The following DLEU7 variants were observed in gnomAD, a reference collection of about 807,000 sequenced individuals.
DLEU7 encodes the protein leukemia-associated protein 7.
A neutral mutation model predicts 16.0 loss-of-function variants in DLEU7; 17 were observed. The ratio of observed to expected loss-of-function variants is 1.06; its 90% CI spans 0.73 to 1.59. The LOEUF (loss-of-function observed/expected upper bound fraction) is 1.59, where lower values mean the gene tolerates loss of function less well. Ranked by LOEUF, DLEU7 falls within the 40% of genes most tolerant of loss-of-function variation. The pLI, the probability that DLEU7 is intolerant of heterozygous loss-of-function variation, is 0.00. For missense variants in DLEU7, 308 were observed against 314.9 expected, an observed-to-expected ratio of 0.98 and a Z score of 0.17; for synonymous variants, 113 against 139.8, an observed-to-expected ratio of 0.81 and a Z score of 1.35.
exon 2 of DLEU7, chr13:50,712,382 G>A (rs1873316997): frequency 1.3e-5 from 2 of 152,104 alleles, no homozygotes; most frequent in Non-Finnish European, 2.9e-5. Flanking sequence ...TCTATCAAGA[G>A]CTTTTTTAGT....
At chr13:50,746,970 CAT>C (rs200119979) in intron 1 of DLEU7, among the ~76,000 whole-genome samples, 2,049 of 139,448 alleles carry the variant, frequency 0.015, 20 homozygotes, top group South Asian at 0.049. Context: ...CACACACACA[CAT>C]GTATAGAGTG....
At chr13:50,840,561 C>T (rs1474819945) in intron 1 of DLEU7, among the ~76,000 whole-genome samples, 1 of 152,170 alleles carries the variant, frequency 6.6e-6, no homozygotes, top group East Asian at 1.9e-4. Context: ...TAGTTGTATA[C>T]TTCTAGAAAG....
chr13:50,792,769 A>G (rs77404827), intron 1 of DLEU7, among the ~76,000 whole-genome samples: 2,848 of 151,914 alleles, frequency 0.019, 85 homozygotes, highest in African/African-American at 0.062. Flanking sequence ...CCCTTACCCA[A>G]TCAATTTAAG....
At chr13:50,795,533 A>G (rs1348162773) in intron 1 of DLEU7, among the ~76,000 whole-genome samples, 1 of 152,188 alleles carries the variant, frequency 6.6e-6, no homozygotes, top group East Asian at 1.9e-4. Flanking sequence ...TGGGAAGGAC[A>G]TTGTATGCCA....
At chr13:50,748,228 C>CTTT (rs71085044) in intron 1 of DLEU7, among the ~76,000 whole-genome samples, 2,632 of 89,096 alleles carry the variant, frequency 0.03, 150 homozygotes, top group East Asian at 0.13. Context: ...ACTCCTTAAA[C>CTTT]TTTTTTTTTT....
intron 1 of DLEU7, among the ~76,000 whole-genome samples, chr13:50,786,964 T>G (rs1875807151): frequency 6.6e-6 from 1 of 152,202 alleles, no homozygotes; most frequent in Non-Finnish European, 1.5e-5. Flanking sequence ...GTGACTTCCT[T>G]AAGCCTTGGA....
At chr13:50,731,972 A>G (rs1469094964) in intron 1 of DLEU7, among the ~76,000 whole-genome samples, 2 of 152,232 alleles carry the variant, frequency 1.3e-5, no homozygotes, top group Non-Finnish European at 2.9e-5. Context: ...ACTGAAAAGA[A>G]AATTATATAC....
At chr13:50,835,669 T>C (rs1207365030) in intron 1 of DLEU7, among the ~76,000 whole-genome samples, 1 of 151,976 alleles carries the variant, frequency 6.6e-6, no homozygotes, top group African/African-American at 2.4e-5. Context: ...CAGCTGGAGG[T>C]TTCCTTTCCT....
At chr13:50,725,336 T>C (rs1328984527) in intron 1 of DLEU7, among the ~76,000 whole-genome samples, 1 of 152,204 alleles carries the variant, frequency 6.6e-6, no homozygotes, top group East Asian at 1.9e-4. Flanking sequence ...GCTTTGATCC[T>C]TAGTGATGTG....
chr13:50,817,439 C>G (rs1876766989), intron 1 of DLEU7, among the ~76,000 whole-genome samples: 1 of 152,096 alleles, frequency 6.6e-6, no homozygotes, highest in African/African-American at 2.4e-5. Context: ...CTAAGTGAAA[C>G]CAGGACTGTG....
intron 1 of DLEU7, among the ~76,000 whole-genome samples, chr13:50,813,935 G>A (rs1470285110): frequency 1.3e-5 from 2 of 152,082 alleles, no homozygotes; most frequent in African/African-American, 4.8e-5. Flanking sequence ...CCCACACTTG[G>A]AAATATTCAG....
At chr13:50,749,713 ATTTG>A (rs555294584) in intron 1 of DLEU7, among the ~76,000 whole-genome samples, 68 of 151,860 alleles carry the variant, frequency 4.5e-4, no homozygotes, top group African/African-American at 1.6e-3. Flanking sequence ...TTTTTCATAC[ATTTG>A]TTTGGCCATT....
chr13:50,784,777 A>G (rs536672007), intron 1 of DLEU7, among the ~76,000 whole-genome samples: 7 of 152,276 alleles, frequency 4.6e-5, no homozygotes, highest in Admixed American at 4.6e-4. Flanking sequence ...CCTTCCCTGC[A>G]TCTGTGTGAA....
chr13:50,755,709 C>A lies in DLEU7; in HGVS notation c.460-42469G>T, dbSNP rs1488454993. ...TTTCCAGGTAAATCAGGGATTTCTT[C>A]TTGGTTTGTATCCATTGCTGGTGAG... On this transcript the variant is annotated intron_variant, in intron 1 of 1. Transcript: ENST00000400393. 3.9e-5 allele frequency among the ~76,000 whole-genome samples: 6 copies of A among 151,924 alleles called. No homozygotes were observed. The East Asian group carries it at 9.7e-4, about 25-fold the overall frequency.
chr13:50,843,188 C>A lies in DLEU7; in HGVS notation c.459G>T (p.Lys153Asn). ...QQERSFPIHL[K>N]DSVEFRNICS... ...AGGGGATGGCGGGGGCCAGACTCACCTTCAGGTGAATGGGAAAGGACCGCT... is the reference window on the plus strand; with the variant it reads ...AGGGGATGGCGGGGGCCAGACTCACATTCAGGTGAATGGGAAAGGACCGCT... The change falls in exon 1 of 2, where the codon AAG (lysine) becomes AAT (asparagine). Residue 153 changes from lysine to asparagine, a missense_variant and splice_region_variant. Transcript: ENST00000504404. The surrounding 1 kb of genome is among the most constrained non-coding windows in gnomAD (Gnocchi z 5.7). 3.1e-6 allele frequency: 5 copies of A among 1,591,866 alleles called. No homozygotes were observed. Among genetic ancestry groups the A allele is most frequent in the Non-Finnish European group, 4.3e-6 (5 of 1,170,060 alleles).
chr13:50,785,371 T>C (rs1875770888), intron 1 of DLEU7, among the ~76,000 whole-genome samples: 1 of 152,152 alleles, frequency 6.6e-6, no homozygotes, highest in African/African-American at 2.4e-5. Flanking sequence ...TAAATTTTGT[T>C]TTTGAGAGGA....
intron 1 of DLEU7, among the ~76,000 whole-genome samples, chr13:50,739,613 G>T (rs567075724): frequency 2.4e-4 from 36 of 152,264 alleles, no homozygotes; most frequent in African/African-American, 8.4e-4. Flanking sequence ...TCCTGGAGGG[G>T]ACCAGATATG....
At chr13:50,798,815 C>G (rs1409247928) in intron 1 of DLEU7, among the ~76,000 whole-genome samples, 3 of 152,182 alleles carry the variant, frequency 2.0e-5, no homozygotes, top group Non-Finnish European at 4.4e-5. Flanking sequence ...AGCCATTGCT[C>G]CTGGAGCCTT....
At chr13:50,713,118 T>C in exon 2 of DLEU7, 1 of 1,434,064 alleles carries the variant, frequency 7.0e-7, no homozygotes, top group South Asian at 1.2e-5. Context: ...TAAGAAGTGG[T>C]TTAACATCCC....
Sources: gnomAD v4.1 joint callset for allele counts (sites outside exome capture counted in the v4.1 genomes callset) on GRCh38, gnomAD v4.1.1 for gene constraint, Gnocchi (gnomAD v3.1) non-coding constraint, MANE v1.5 for transcripts, NCBI Gene and HGNC (gene_info 2026-07-23, HGNC 2026-07-21) for gene names.